The following CSMD1 variants were observed in gnomAD, a reference collection of about 807,000 sequenced individuals.
CSMD1 encodes CUB and Sushi multiple domains 1, also known as CUB and sushi domain-containing protein 1.
Under a neutral mutation model 417.5 loss-of-function variants are expected in CSMD1, and 213 were observed. The observed-to-expected ratio is 0.51, with a 90% CI of 0.46 to 0.57. The LOEUF is 0.57. Ranked by LOEUF, CSMD1 falls within the 20% of genes least tolerant of loss-of-function variation. The pLI, the probability that CSMD1 is intolerant of heterozygous loss-of-function variation, is 0.00. For missense variants in CSMD1, 6,923 were observed against 4,529.7 expected (o/e 1.53, Z -15.17); for synonymous variants, 2,862 against 1,736.8 (o/e 1.65, Z -16.11).
intron 10 of CSMD1, among the ~76,000 whole-genome samples, chr8:3,547,882 G>A (rs902560960): frequency 3.3e-5 from 5 of 152,068 alleles, no homozygotes; most frequent in African/African-American, 1.2e-4. Flanking sequence ...GTCATTTTAA[G>A]AATAAGAAGT....
chr8:4,210,971 C>A (rs1051919927), intron 3 of CSMD1, among the ~76,000 whole-genome samples: 3 of 152,136 alleles, frequency 2.0e-5, no homozygotes, highest in Non-Finnish European at 4.4e-5. Context: ...ATGAAAAAAT[C>A]TCTTCAGGCA....
At position 4,837,893 on chromosome 8, in the gene CSMD1, C is replaced by T. The variant is rs78274454; in HGVS notation, c.85+156439G>A. Among the ~76,000 whole-genome samples the T allele has an allele frequency of 1.9e-4, 29 of 151,746 alleles. 1 individual carries two copies. The highest frequency in any genetic ancestry group is 6.8e-4 in the African/African-American group (28 of 41,360). On this transcript the variant is annotated intron_variant, in intron 1 of 69. Transcript: ENST00000635120. ...TAAATATATACACCTAACGTGAACC[C>T]CAAAATTAAAAAAAAATAAAAATAA...
intron 2 of CSMD1, among the ~76,000 whole-genome samples, chr8:4,621,975 A>G (rs1585344471): frequency 2.6e-5 from 4 of 152,086 alleles, no homozygotes; most frequent in Admixed American, 2.0e-4. Flanking sequence ...AAAATTACAT[A>G]CTTATTCATA....
At chr8:4,338,791 T>C (rs138317888) in intron 3 of CSMD1, among the ~76,000 whole-genome samples, 89 of 152,230 alleles carry the variant, frequency 5.8e-4, no homozygotes, top group African/African-American at 2.0e-3. Flanking sequence ...ATATTGATAT[T>C]AGTTTAATGT....
intron 3 of CSMD1, among the ~76,000 whole-genome samples, chr8:4,317,593 G>A (rs1480462770): frequency 8.1e-6 from 1 of 123,808 alleles, no homozygotes; most frequent in Non-Finnish European, 1.8e-5. Context: ...AAGAGAGAGA[G>A]AGGAGAGAGG....
chr8:4,131,497 T>C (rs1248531507), intron 3 of CSMD1, among the ~76,000 whole-genome samples: 1 of 152,198 alleles, frequency 6.6e-6, no homozygotes, highest in East Asian at 1.9e-4. Flanking sequence ...TATTTTCCCC[T>C]TGGATATTCA....
chr8:4,325,578 G>T (rs563073025), intron 3 of CSMD1, among the ~76,000 whole-genome samples: 1 of 152,142 alleles, frequency 6.6e-6, no homozygotes, highest in Admixed American at 6.6e-5. Flanking sequence ...TTTCCGGTGA[G>T]GTAAGAATTA....
At chr8:3,331,176 T>G (rs1420156706) in intron 23 of CSMD1, among the ~76,000 whole-genome samples, 3 of 148,918 alleles carry the variant, frequency 2.0e-5, no homozygotes, top group Non-Finnish European at 3.0e-5. Flanking sequence ...AGGTGGAGCT[T>G]GCAGTGAGCC....
chr8:3,947,042 C>T (rs1811275838), intron 5 of CSMD1, among the ~76,000 whole-genome samples: 1 of 152,064 alleles, frequency 6.6e-6, no homozygotes, highest in South Asian at 2.1e-4. Flanking sequence ...TTGTTCATGG[C>T]ACTTGCTTGG....
chr8:3,540,143 T>A lies in CSMD1; in HGVS notation c.1344+34802A>T, dbSNP rs139501188. On this transcript the variant is annotated intron_variant, in intron 10 of 69. Coordinates refer to ENST00000635120, the MANE Select transcript of CSMD1 (RefSeq NM_033225.6). ...GGTCACAGTTTCAATACTTGGAAATTAAACTGAACTGAGTGTAACACAGTG... is the reference window on the plus strand; with the variant it reads ...GGTCACAGTTTCAATACTTGGAAATAAAACTGAACTGAGTGTAACACAGTG... Among the ~76,000 whole-genome samples, 50 of 152,304 alleles carry A rather than the reference T, an allele frequency of 3.3e-4. No homozygotes were observed. In the East Asian group the frequency reaches 3.9e-3, roughly 12 times the overall value.
intron 25 of CSMD1, among the ~76,000 whole-genome samples, chr8:3,292,410 T>A (rs1308999374): frequency 6.6e-6 from 1 of 152,198 alleles, no homozygotes; most frequent in Non-Finnish European, 1.5e-5. Flanking sequence ...TTGATCTGTC[T>A]AATGTTGACA....
chr8:4,924,752 A>G (rs1040961197), intron 1 of CSMD1, among the ~76,000 whole-genome samples: 1 of 151,428 alleles, frequency 6.6e-6, no homozygotes, highest in East Asian at 1.9e-4. Context: ...AAAACCTACA[A>G]AAAACTTTTA....
intron 3 of CSMD1, among the ~76,000 whole-genome samples, chr8:4,123,832 T>C (rs903742166): frequency 1.3e-5 from 2 of 152,148 alleles, no homozygotes; most frequent in Non-Finnish European, 2.9e-5. Flanking sequence ...TGAGGACCTA[T>C]AGAGAATGAG....
At chr8:3,889,373 T>A (rs1416317401) in intron 5 of CSMD1, among the ~76,000 whole-genome samples, 6 of 149,112 alleles carry the variant, frequency 4.0e-5, no homozygotes, top group East Asian at 2.0e-4. Flanking sequence ...TTGTATTTTT[T>A]AAAATTTTAA....
chr8:3,627,601 C>A (rs867496384), intron 7 of CSMD1, among the ~76,000 whole-genome samples: 1 of 152,078 alleles, frequency 6.6e-6, no homozygotes, highest in Middle Eastern at 3.2e-3. Flanking sequence ...ATATTATATT[C>A]TATAGTGTAA....
chr8:3,533,817 T>A (rs1160109348), intron 10 of CSMD1, among the ~76,000 whole-genome samples: 4 of 152,198 alleles, frequency 2.6e-5, no homozygotes, highest in African/African-American at 9.6e-5. Context: ...AAAGTTCACT[T>A]TTTTTCTCCC....
chr8:3,075,885 C>CA (rs754691568), intron 49 of CSMD1, among the ~76,000 whole-genome samples: 2,000 of 106,948 alleles, frequency 0.019, 29 homozygotes, highest in African/African-American at 0.053. Context: ...ACTAAAAATA[C>CA]AAAAAAAAAA....
chr8:4,558,021 C>T (rs1798172287), intron 2 of CSMD1, among the ~76,000 whole-genome samples: 1 of 152,142 alleles, frequency 6.6e-6, no homozygotes, highest in African/African-American at 2.4e-5. Context: ...AAAATACAGA[C>T]CACTGAGCTA....
At chr8:3,904,264 C>T (rs182542640) in intron 5 of CSMD1, among the ~76,000 whole-genome samples, 5 of 152,186 alleles carry the variant, frequency 3.3e-5, no homozygotes, top group Admixed American at 6.5e-5. Flanking sequence ...CCTTCCCTTA[C>T]CAAACAAATC....
Sources: allele counts gnomAD v4.1 joint callset (sites outside exome capture counted in the v4.1 genomes callset), GRCh38; gene constraint gnomAD v4.1.1; transcripts MANE v1.5; gene names NCBI Gene and HGNC (gene_info 2026-07-23, HGNC 2026-07-21).